CBLB: variants seen among roughly 807,000 people sequenced by gnomAD.
CBLB encodes the protein Cbl proto-oncogene B.
CBLB carries 31 observed loss-of-function variants against 104.9 expected under a neutral mutation model. The observed-to-expected ratio is 0.30, with a 90% CI of 0.22 to 0.40. The LOEUF is 0.40. Ranked by LOEUF, CBLB falls within the 10% of genes least tolerant of loss-of-function variation. The pLI is 1.00. For synonymous variants in CBLB, 440 were observed against 422.6 expected, an observed-to-expected ratio of 1.04 and a Z score of -0.51; for missense variants, 1,062 against 1,214.6, an observed-to-expected ratio of 0.87 and a Z score of 1.87.
intron 5 of CBLB, among the ~76,000 whole-genome samples, chr3:105,750,949 C>T (rs989168712): frequency 6.6e-6 from 1 of 152,176 alleles, no homozygotes; most frequent in Non-Finnish European, 1.5e-5. Flanking sequence ...ATGTTCATTA[C>T]ACATGGTTGA....
chr3:105,660,449 C>T (rs1436857181), intron 18 of CBLB, among the ~76,000 whole-genome samples: 1 of 152,066 alleles, frequency 6.6e-6, no homozygotes, highest in Non-Finnish European at 1.5e-5. Flanking sequence ...ACCTTGGCCT[C>T]CCAAAGTGCT....
chr3:105,854,878 G>A (rs1034627197), intron 2 of CBLB, among the ~76,000 whole-genome samples: 5 of 152,000 alleles, frequency 3.3e-5, no homozygotes, highest in Non-Finnish European at 1.5e-5. Context: ...TGATCCACCC[G>A]CCTCGGCCTC....
rs1298476509 is a variant in CBLB at position 105,853,553 on chromosome 3, C to T, written c.280G>A (p.Asp94Asn). Reference sequence around the variant, plus strand: ...CTGAGTTGGGCAAGTTTCTGGTTGTCATCATATTTACTCAATATAAGTCGT... The same window carrying T: ...CTGAGTTGGGCAAGTTTCTGGTTGTTATCATATTTACTCAATATAAGTCGT... ...HLRLILSKYD[D>N]NQKLAQLSEN... The change falls in exon 3 of 19, where the codon GAC becomes AAC. Residue 94 changes from aspartate to asparagine, a missense_variant. Coordinates refer to ENST00000394030, the MANE Select transcript of CBLB (RefSeq NM_170662.5). 1 of 1,613,426 alleles carries T rather than the reference C, an allele frequency of 6.2e-7. No individual in the cohort carries two copies. The highest frequency in any genetic ancestry group is 1.7e-5 in the Admixed American group (1 of 60,002).
At chr3:105,811,447 T>C (rs2084281075) in intron 3 of CBLB, among the ~76,000 whole-genome samples, 1 of 152,166 alleles carries the variant, frequency 6.6e-6, no homozygotes, top group African/African-American at 2.4e-5. Context: ...GTTTATAAAC[T>C]TCTATTATCT....
At chr3:105,792,667 A>C (rs1577236749) in intron 3 of CBLB, among the ~76,000 whole-genome samples, 1 of 152,324 alleles carries the variant, frequency 6.6e-6, no homozygotes, top group African/African-American at 2.4e-5. Context: ...CAAAGGTCAG[A>C]AAGAGGGCGG....
chr3:105,680,575 T>C (rs1020004033), intron 16 of CBLB, among the ~76,000 whole-genome samples: 10 of 152,096 alleles, frequency 6.6e-5, no homozygotes, highest in African/African-American at 2.4e-4. Context: ...CCTTTTGTAA[T>C]TGATGTAGGT....
chr3:105,673,867 C>G (rs954071540), intron 17 of CBLB: 1 of 152,318 alleles, frequency 6.6e-6, no homozygotes, highest in Admixed American at 6.5e-5. Context: ...AGACAACTCT[C>G]GTCTACATCC....
chr3:105,862,269 T>G (rs1405015200), intron 2 of CBLB, among the ~76,000 whole-genome samples: 1 of 152,216 alleles, frequency 6.6e-6, no homozygotes, highest in East Asian at 1.9e-4. Context: ...TTTCTGATTT[T>G]AAATGAAATT....
At chr3:105,665,402 TAA>T (rs1491550844) in intron 18 of CBLB, among the ~76,000 whole-genome samples, 308 of 96,312 alleles carry the variant, frequency 3.2e-3, no homozygotes, top group African/African-American at 8.8e-3. Context: ...AATAAATAAA[TAA>T]ATAAATAAAT....
chr3:105,719,982 T>C (rs2072529537), intron 10 of CBLB, 65 bp downstream of exon 10: 6 of 1,197,522 alleles, frequency 5.0e-6, no homozygotes, highest in Non-Finnish European at 7.5e-6. Context: ...ACTCCATTTA[T>C]GACGGCATCA....
chr3:105,693,655 C>T, intron 12 of CBLB, 67 bp from the exon 13 acceptor site: 1 of 980,838 alleles, frequency 1.0e-6, no homozygotes, highest in South Asian at 1.3e-5. Context: ...GCCATAGCTG[C>T]TCTACCATTC....
At chr3:105,821,286 A>ATCTG (rs1397568576) in intron 3 of CBLB, among the ~76,000 whole-genome samples, 2 of 151,686 alleles carry the variant, frequency 1.3e-5, no homozygotes, top group South Asian at 2.1e-4. Context: ...CTATCTATCT[A>ATCTG]TCTATCACCT....
At chr3:105,828,620 T>C (rs971110) in intron 3 of CBLB, among the ~76,000 whole-genome samples, 100,969 of 152,006 alleles carry the variant, frequency 0.66, 34,800 homozygotes, top group Middle Eastern at 0.8. Context: ...TTTTTTAGCA[T>C]AAAATAGAAA....
rs746133828 is a variant in CBLB at position 105,785,094 on chromosome 3, T to C, written c.420-8552A>G. On this transcript the variant is annotated intron_variant, in intron 3 of 18. Coordinates refer to ENST00000394030, the MANE Select transcript of CBLB (RefSeq NM_170662.5). The stretch of plus-strand genomic sequence containing the variant: ...TGAAGGGCACCATGGTTATTTTACA[T>C]AGATATTGTGTTTCAGCTCTATCAG... Among the ~76,000 whole-genome samples the C allele has an allele frequency of 3.9e-5, 6 of 152,240 alleles. No homozygotes were observed. In the South Asian group the frequency reaches 6.2e-4, roughly 16 times the overall value.
intron 13 of CBLB, among the ~76,000 whole-genome samples, chr3:105,688,321 C>T (rs1005827259): frequency 1.3e-5 from 2 of 151,968 alleles, no homozygotes; most frequent in Admixed American, 6.6e-5. Flanking sequence ...GACATACACT[C>T]TCAAAGATGC....
chr3:105,847,978 C>T (rs2090491297), intron 3 of CBLB, among the ~76,000 whole-genome samples: 1 of 151,952 alleles, frequency 6.6e-6, no homozygotes, highest in Admixed American at 6.6e-5. Flanking sequence ...ATGCTTCAAA[C>T]TACAGACTTC....
At chr3:105,726,536 G>A (rs16851521) in intron 9 of CBLB, among the ~76,000 whole-genome samples, 2,627 of 150,380 alleles carry the variant, frequency 0.017, 69 homozygotes, top group African/African-American at 0.06. Context: ...GAGCTCAAAA[G>A]CCATTTTCCT....
intron 13 of CBLB, among the ~76,000 whole-genome samples, chr3:105,692,240 C>T (rs572593303): frequency 3.3e-5 from 5 of 152,234 alleles, no homozygotes; most frequent in Admixed American, 3.3e-4. Flanking sequence ...TTACTATATG[C>T]AAATCATTTA....
At chr3:105,869,021 C>T (rs566393142), upstream of CBLB, 1,584 of 1,092,522 alleles carry the variant, frequency 1.4e-3, 78 homozygotes, top group Admixed American at 0.072. Flanking sequence ...ACACCCCACC[C>T]CTGTGGCACA....
Sources: allele counts gnomAD v4.1 joint callset (sites outside exome capture counted in the v4.1 genomes callset), GRCh38; gene constraint gnomAD v4.1.1; transcripts MANE v1.5; gene names NCBI Gene and HGNC (gene_info 2026-07-23, HGNC 2026-07-21).